Variants in SPECC1 observed in about 807,000 individuals in gnomAD.
The protein encoded by SPECC1 is cytospin-B.
A neutral mutation model predicts 104.1 loss-of-function variants in SPECC1; 62 were observed. The ratio of observed to expected loss-of-function variants is 0.60; its 90% CI spans 0.49 to 0.74. The LOEUF (loss-of-function observed/expected upper bound fraction) is 0.74, where lower values mean the gene tolerates loss of function less well. SPECC1 is among the 30% of genes least tolerant of loss of function. The pLI is 0.00. For missense variants in SPECC1, 1,306 were observed against 1,310.5 expected, an observed-to-expected ratio of 1.00 and a Z score of 0.05; for synonymous variants, 513 against 501.6, an observed-to-expected ratio of 1.02 and a Z score of -0.30.
intron 1 of SPECC1, among the ~76,000 whole-genome samples, chr17:20,068,994 A>G (rs1267579706): frequency 6.6e-6 from 1 of 152,150 alleles, no homozygotes; most frequent in Non-Finnish European, 1.5e-5. Flanking sequence ...GTTCAGGGGT[A>G]CATGTGAAGG....
At chr17:20,292,605 T>A (rs886085531) in intron 12 of SPECC1, among the ~76,000 whole-genome samples, 2 of 152,148 alleles carry the variant, frequency 1.3e-5, no homozygotes, top group Non-Finnish European at 2.9e-5. Context: ...TACAAACCTC[T>A]TCAGAAAGTG....
intron 7 of SPECC1, chr17:20,238,397 G>A (rs929231028): frequency 1.9e-6 from 2 of 1,041,058 alleles, no homozygotes; most frequent in Non-Finnish European, 2.3e-6. Context: ...CCTCCATCAG[G>A]CAGAAACCTT....
chr17:20,238,719 T>C, intron 7 of SPECC1: 1 of 1,041,526 alleles, frequency 9.6e-7, no homozygotes, highest in Non-Finnish European at 1.2e-6. Flanking sequence ...TTAGGATTAT[T>C]TAAAATTCAT....
At chr17:20,062,967 CATA>C (rs1164044410) in intron 1 of SPECC1, among the ~76,000 whole-genome samples, 3 of 152,122 alleles carry the variant, frequency 2.0e-5, no homozygotes, top group African/African-American at 7.2e-5. Context: ...GAATTACAGG[CATA>C]AGCCACCGTG....
intron 1 of SPECC1, among the ~76,000 whole-genome samples, chr17:20,040,704 C>T (rs2045289048): frequency 1.3e-5 from 2 of 152,130 alleles, no homozygotes; most frequent in Admixed American, 6.5e-5. Context: ...AATTGTTTTT[C>T]CCTTATACAT....
chr17:20,085,512 G>A (rs956022634), intron 1 of SPECC1, among the ~76,000 whole-genome samples: 6 of 152,166 alleles, frequency 3.9e-5, no homozygotes, highest in African/African-American at 1.2e-4. Context: ...AAAATTATCC[G>A]TCGTATTTGT....
At chr17:20,308,083 AATAAAAATGAG>A (rs1233887041) in intron 14 of SPECC1, among the ~76,000 whole-genome samples, 2 of 152,178 alleles carry the variant, frequency 1.3e-5, no homozygotes, top group Non-Finnish European at 1.5e-5. Flanking sequence ...TCTAAGTTGA[AATAAAAATGAG>A]ATAACAATTC....
At chr17:20,025,526 T>C (rs1041169266) in intron 1 of SPECC1, among the ~76,000 whole-genome samples, 1 of 152,216 alleles carries the variant, frequency 6.6e-6, no homozygotes, top group African/African-American at 2.4e-5. Flanking sequence ...TTCATCCTTG[T>C]AGCATGTAGC....
At chr17:20,066,456 G>A (rs993437140) in intron 1 of SPECC1, among the ~76,000 whole-genome samples, 3 of 152,188 alleles carry the variant, frequency 2.0e-5, no homozygotes, top group Admixed American at 6.5e-5. Context: ...TTCAGTGGAA[G>A]AGCATTGGTC....
rs1567813245 is a variant in SPECC1, at chr17:20,051,072, C to CTTTCTT, written c.-22+41650_-22+41655dup. Among the ~76,000 whole-genome samples, 19 of 57,158 alleles carry CTTTCTT rather than the reference C, an allele frequency of 3.3e-4. No individual in the cohort carries two copies. In the South Asian group the frequency reaches 0.012, roughly 37 times the overall value. The allele number at this position is 57,158 out of a possible 152,430, so 37.5% of individuals were successfully genotyped here. On this transcript the variant is annotated intron_variant, in intron 1 of 14. Coordinates refer to ENST00000395527, the MANE Select transcript of SPECC1 (RefSeq NM_001243439.2). ...GTTCTTTCTTTCTTTCTTTCTTTTT[C>CTTTCTT]TTTCTTTCTTTCTTTCTTTCTTTCT...
chr17:20,075,447 G>A (rs964784122), intron 1 of SPECC1, among the ~76,000 whole-genome samples: 8 of 152,132 alleles, frequency 5.3e-5, no homozygotes, highest in Admixed American at 3.3e-4. Context: ...CGGCATTTCA[G>A]TAAATTCAGA....
At chr17:20,155,389 T>G (rs755048696) in intron 3 of SPECC1, 1 of 152,202 alleles carries the variant, frequency 6.6e-6, no homozygotes, top group Non-Finnish European at 1.5e-5. Flanking sequence ...GTCCTAAATA[T>G]TTTTACTGCA....
chr17:20,096,765 A>G lies in SPECC1; in HGVS notation c.114A>G (p.Ser38=), dbSNP rs78734455. 1.5e-4 allele frequency: 239 copies of G among 1,614,102 alleles called. 2 individuals are homozygous for G. The East Asian group carries it at 4.5e-3, about 30-fold the overall frequency. ...ASSGMKSSKS[S]TSLAFESRLS... is the part of the protein sequence containing the mutation. ...CCGGCATGAAGAGTTCTAAGTCTTC[A>G]ACTTCCTTGGCTTTTGAGTCCCGAC... The change falls in exon 2 of 15, where the codon TCA becomes TCG. Residue 38 remains serine (S), a synonymous_variant. Transcript: ENST00000395527.
intron 4 of SPECC1, among the ~76,000 whole-genome samples, chr17:20,222,021 T>TG (rs1598016835): frequency 6.6e-6 from 1 of 151,790 alleles, no homozygotes; most frequent in African/African-American, 2.4e-5. Flanking sequence ...TTTCAGTTTT[T>TG]TTTTTTTTTT....
chr17:20,312,210 T>A (rs1296672713), intron 14 of SPECC1, among the ~76,000 whole-genome samples: 2 of 152,240 alleles, frequency 1.3e-5, no homozygotes, highest in Non-Finnish European at 2.9e-5. Flanking sequence ...AAGTATTTGA[T>A]AGAATTCACA....
intron 3 of SPECC1, among the ~76,000 whole-genome samples, chr17:20,200,442 T>C (rs780194920): frequency 5.3e-5 from 8 of 152,186 alleles, no homozygotes; most frequent in Middle Eastern, 6.8e-3. Flanking sequence ...TGTTAACTTC[T>C]TGGAATCAGC....
intron 12 of SPECC1, among the ~76,000 whole-genome samples, chr17:20,272,449 G>A (rs1185396795): frequency 6.6e-6 from 1 of 151,974 alleles, no homozygotes; most frequent in Admixed American, 6.6e-5. Flanking sequence ...GTATCGTTGA[G>A]TATGTTCTCA....
chr17:20,101,056 A>G (rs570470578), intron 2 of SPECC1, among the ~76,000 whole-genome samples: 6 of 152,268 alleles, frequency 3.9e-5, no homozygotes, highest in African/African-American at 1.4e-4. Flanking sequence ...TTCTTTATCC[A>G]GTCTATCATT....
In SPECC1 at chr17:20,096,779, T is replaced by C. The variant is rs2047668396; in HGVS notation, c.128T>C (p.Phe43Ser). The C allele has an allele frequency of 1.9e-6, 3 of 1,613,968 alleles. No individual in the cohort carries two copies. Among genetic ancestry groups the C allele is most frequent in the Non-Finnish European group, 2.5e-6 (3 of 1,179,896 alleles). ...TCTAAGTCTTCAACTTCCTTGGCTT[T>C]TGAGTCCCGACTCAGCAGGGTATGG... The part of the protein sequence containing the change: ...KSSKSSTSLA[F>S]ESRLSRLKRA... The change falls in exon 2 of 15, where the codon TTT becomes TCT. Residue 43 changes from phenylalanine to serine, a missense_variant. Physicochemically the swap from Phe to Ser is radical, Grantham distance 155 (BLOSUM62 -2). This residue lies in a region of SPECC1 where 1,177 missense variants were observed against 1,139.9 expected (regional missense o/e 1.03). Coordinates refer to ENST00000395527, the MANE Select transcript of SPECC1 (RefSeq NM_001243439.2).
Sources: gnomAD v4.1 joint callset for allele counts (sites outside exome capture counted in the v4.1 genomes callset) on GRCh38, gnomAD v4.1.1 for gene constraint, gnomAD v4.1.1 regional missense constraint, MANE v1.5 for transcripts, NCBI Gene and HGNC (gene_info 2026-07-23, HGNC 2026-07-21) for gene names.